Variants in ZNF804B observed in about 807,000 individuals in gnomAD.
ZNF804B encodes zinc finger 804B.
ZNF804B carries 80 observed loss-of-function variants against 101.4 expected under a neutral mutation model. That is an observed-to-expected ratio of 0.79 (90% confidence interval 0.66 to 0.95). ZNF804B has a LOEUF of 0.95. Ranked by LOEUF, ZNF804B falls within the 40% of genes least tolerant of loss-of-function variation. ZNF804B has a pLI of 0.00. For missense variants in ZNF804B, 1,673 were observed against 1,561.9 expected, an observed-to-expected ratio of 1.07 and a Z score of -1.20; for synonymous variants, 622 against 558.8, an observed-to-expected ratio of 1.11 and a Z score of -1.59.
At chr7:89,220,047 A>G (rs149842807) in intron 2 of ZNF804B, among the ~76,000 whole-genome samples, 14,564 of 38,540 alleles carry the variant, frequency 0.38, 4,414 homozygotes, top group African/African-American at 0.46. Context: ...ATATATGTGC[A>G]TATATACATA....
At chr7:88,774,276 G>C (rs4728772) in intron 1 of ZNF804B, among the ~76,000 whole-genome samples, 70,995 of 150,520 alleles carry the variant, frequency 0.47, 20,108 homozygotes, top group East Asian at 0.79. Context: ...GCAATTGAAA[G>C]GCTCCTGTTA....
intron 1 of ZNF804B, among the ~76,000 whole-genome samples, chr7:89,154,284 G>A (rs964744567): frequency 1.3e-5 from 2 of 152,190 alleles, no homozygotes; most frequent in Non-Finnish European, 2.9e-5. Context: ...CCACTGGTGA[G>A]AATGTCAATT....
intron 1 of ZNF804B, among the ~76,000 whole-genome samples, chr7:88,892,222 G>A (rs970445032): frequency 3.9e-5 from 6 of 152,166 alleles, no homozygotes; most frequent in Middle Eastern, 3.4e-3. Flanking sequence ...TAATTTGTAT[G>A]ATCTCTGTTA....
At chr7:88,887,160 C>A (rs1792139793) in intron 1 of ZNF804B, among the ~76,000 whole-genome samples, 1 of 121,792 alleles carries the variant, frequency 8.2e-6, no homozygotes, top group African/African-American at 3.6e-5. Flanking sequence ...GCAGCACCAT[C>A]ATTAAATCAT....
intron 1 of ZNF804B, among the ~76,000 whole-genome samples, chr7:89,174,437 T>A (rs1791287170): frequency 6.6e-6 from 1 of 152,046 alleles, no homozygotes; most frequent in Non-Finnish European, 1.5e-5. Flanking sequence ...ATCCCTTTCC[T>A]TTTTTATGGC....
chr7:88,936,855 T>C (rs1474279952), intron 1 of ZNF804B, among the ~76,000 whole-genome samples: 1 of 151,998 alleles, frequency 6.6e-6, no homozygotes, highest in African/African-American at 2.4e-5. Flanking sequence ...TTTCCTTGAG[T>C]TCAAAAGTGC....
rs560446416 is a variant in ZNF804B at position 89,032,435 on chromosome 7, G to A, written c.109-185720G>A. Among the ~76,000 whole-genome samples, 5 of 152,222 alleles carry A rather than the reference G, an allele frequency of 3.3e-5. No individual in the cohort carries two copies. The South Asian group carries it at 6.2e-4, about 19-fold the overall frequency. ...TGTTACATGTCAGAAACTAATAAATGAGATATAAGATTAATGAGTCTTTAA... is the reference window on the plus strand; with the variant it reads ...TGTTACATGTCAGAAACTAATAAATAAGATATAAGATTAATGAGTCTTTAA... On this transcript the variant is annotated intron_variant, in intron 1 of 3. Transcript: ENST00000333190.
chr7:88,948,526 A>C (rs531971936), intron 1 of ZNF804B, among the ~76,000 whole-genome samples: 1 of 151,800 alleles, frequency 6.6e-6, no homozygotes, highest in Non-Finnish European at 1.5e-5. Flanking sequence ...AGAATCCCCC[A>C]AACTCTGAGA....
chr7:88,981,199 G>A (rs10227431), intron 1 of ZNF804B, among the ~76,000 whole-genome samples: 18,230 of 152,010 alleles, frequency 0.12, 1,597 homozygotes, highest in East Asian at 0.27. Flanking sequence ...AAGGCCCAGG[G>A]GCTCTTGGTC....
At chr7:89,293,788 C>CA (rs1055834267) in intron 2 of ZNF804B, among the ~76,000 whole-genome samples, 20 of 131,186 alleles carry the variant, frequency 1.5e-4, no homozygotes, top group South Asian at 1.2e-3. Context: ...GACTCCGTCT[C>CA]AAAAAAAAAG....
At chr7:89,042,819 A>G (rs923143523) in intron 1 of ZNF804B, among the ~76,000 whole-genome samples, 2 of 152,176 alleles carry the variant, frequency 1.3e-5, no homozygotes, top group African/African-American at 4.8e-5. Flanking sequence ...AGGCAAAAAT[A>G]GTTCAAAACA....
At chr7:89,137,209 G>A (rs1038553930) in intron 1 of ZNF804B, among the ~76,000 whole-genome samples, 4 of 152,038 alleles carry the variant, frequency 2.6e-5, no homozygotes. Flanking sequence ...GCAGGGGCTG[G>A]AACGGTTTGG....
chr7:88,791,595 A>G (rs1381528959), intron 1 of ZNF804B, among the ~76,000 whole-genome samples: 1 of 152,060 alleles, frequency 6.6e-6, no homozygotes, highest in Non-Finnish European at 1.5e-5. Flanking sequence ...CCCATAAAAA[A>G]TCTATGCCAG....
At chr7:89,035,981 GTATAGTATATATTATATGATATATTAATA>G (rs1173764480) in intron 1 of ZNF804B, among the ~76,000 whole-genome samples, 1 of 139,258 alleles carries the variant, frequency 7.2e-6, no homozygotes, top group African/African-American at 2.6e-5. Context: ...ATATATTGTA[GTATAGTATATATTATATGATATATTAATA>G]TATAGTATAT....
At chr7:88,781,178 T>G (rs1187577445) in intron 1 of ZNF804B, among the ~76,000 whole-genome samples, 1 of 152,174 alleles carries the variant, frequency 6.6e-6, no homozygotes, top group Non-Finnish European at 1.5e-5. Flanking sequence ...GTGGAGTAAT[T>G]TTCTGATATT....
At chr7:88,993,724 C>A (rs548846589) in intron 1 of ZNF804B, among the ~76,000 whole-genome samples, 2 of 152,118 alleles carry the variant, frequency 1.3e-5, no homozygotes, top group East Asian at 3.9e-4. Context: ...GACATAACTA[C>A]AGGATCTCAC....
At chr7:88,924,046 G>T (rs1432733264) in intron 1 of ZNF804B, among the ~76,000 whole-genome samples, 1 of 151,944 alleles carries the variant, frequency 6.6e-6, no homozygotes, top group Non-Finnish European at 1.5e-5. Context: ...TTTCCAACTG[G>T]CACACCTTTT....
At chr7:88,794,946 GA>G in intron 1 of ZNF804B, 1 of 1,557,450 alleles carries the variant, frequency 6.4e-7, no homozygotes, top group South Asian at 1.2e-5. Context: ...AGGACATGAG[GA>G]GTCTTATTTA....
intron 1 of ZNF804B, among the ~76,000 whole-genome samples, chr7:89,188,341 C>G (rs936626367): frequency 1.3e-5 from 2 of 152,090 alleles, no homozygotes; most frequent in South Asian, 4.1e-4. Flanking sequence ...TGTAAGTGTT[C>G]TGACTGCTTC....
Sources: allele counts gnomAD v4.1 joint callset (sites outside exome capture counted in the v4.1 genomes callset), GRCh38; gene constraint gnomAD v4.1.1; transcripts MANE v1.5; gene names NCBI Gene and HGNC (gene_info 2026-07-23, HGNC 2026-07-21).